The following TENM3 variants were observed in gnomAD, a reference collection of about 807,000 sequenced individuals.
The protein encoded by TENM3 is teneurin transmembrane protein 3.
A neutral mutation model predicts 255.1 loss-of-function variants in TENM3; 63 were observed. That is an observed-to-expected ratio of 0.25 (90% CI 0.20 to 0.30). The LOEUF (loss-of-function observed/expected upper bound fraction) is 0.30, where lower values mean the gene tolerates loss of function less well. TENM3 is among the 10% of genes least tolerant of loss of function. The probability of loss-of-function intolerance (pLI) is 1.00; values close to 1 mark genes in which losing one functional copy is unlikely to be tolerated. For synonymous variants in TENM3, 1,306 were observed against 1,322.3 expected (o/e 0.99, Z 0.27); for missense variants, 2,929 against 3,461.1 (o/e 0.85, Z 3.86).
At chr4:181,570,145 A>G in the TENM3 span, among the ~76,000 whole-genome samples, 1 of 147,588 alleles carries the variant, frequency 6.8e-6, no homozygotes, top group Admixed American at 7.1e-5. Flanking sequence ...TCCCGGGTTC[A>G]CGCCATTCTC....
intron 3 of TENM3, among the ~76,000 whole-genome samples, chr4:182,562,848 G>C (rs1330817662): frequency 6.6e-6 from 1 of 152,060 alleles, no homozygotes; most frequent in Non-Finnish European, 1.5e-5. Context: ...GGTACTGTGG[G>C]GGTCAAGGGG....
At chr4:182,596,260 A>C (rs981024594) in intron 3 of TENM3, among the ~76,000 whole-genome samples, 1 of 152,160 alleles carries the variant, frequency 6.6e-6, no homozygotes, top group Non-Finnish European at 1.5e-5. Flanking sequence ...CTACTTCCAC[A>C]CTCTCTCATT....
chr4:181,462,553 CT>C, the TENM3 span, among the ~76,000 whole-genome samples: 1 of 152,184 alleles, frequency 6.6e-6, no homozygotes, highest in Non-Finnish European at 1.5e-5. Context: ...TGAAAACTGT[CT>C]TTTCAAATAT....
chr4:182,731,929 C>CA (rs1308333376), intron 16 of TENM3, among the ~76,000 whole-genome samples: 1 of 151,904 alleles, frequency 6.6e-6, no homozygotes, highest in African/African-American at 2.4e-5. Context: ...CTACAGGCGA[C>CA]TGCCACCAAG....
At chr4:182,531,878 A>G (rs1199240778) in intron 3 of TENM3, among the ~76,000 whole-genome samples, 1 of 152,234 alleles carries the variant, frequency 6.6e-6, no homozygotes, top group Admixed American at 6.5e-5. Context: ...CAGTTTAAAC[A>G]TGGTGAGCTG....
At chr4:182,160,527 A>C (rs1324052610) in intron 1 of TENM3, among the ~76,000 whole-genome samples, 1 of 152,220 alleles carries the variant, frequency 6.6e-6, no homozygotes, top group Non-Finnish European at 1.5e-5. Flanking sequence ...TTTCTGTTCC[A>C]TTCACAGAAT....
At chr4:182,135,749 G>T in the TENM3 span, among the ~76,000 whole-genome samples, 1 of 152,204 alleles carries the variant, frequency 6.6e-6, no homozygotes, top group African/African-American at 2.4e-5. Context: ...TTAACAGACA[G>T]AAATGTGACT....
the TENM3 span, among the ~76,000 whole-genome samples, chr4:181,456,123 ATATATGTG>A: frequency 3.2e-5 from 3 of 93,392 alleles, no homozygotes; most frequent in African/African-American, 1.3e-4. Context: ...GTATATATAT[ATATATGTG>A]TGTGTGTGTG....
At chr4:182,209,286 A>C (rs1308135917) in intron 1 of TENM3, among the ~76,000 whole-genome samples, 2 of 151,020 alleles carry the variant, frequency 1.3e-5, no homozygotes, top group African/African-American at 2.5e-5. Context: ...CCTCTTTAAA[A>C]AAAAAAAAAA....
At chr4:182,086,222 G>A in the TENM3 span, among the ~76,000 whole-genome samples, 675 of 152,106 alleles carry the variant, frequency 4.4e-3, 1 homozygote, top group African/African-American at 0.016. Context: ...TCAGGCCTCC[G>A]GAAGAAACCA....
chr4:182,442,770 G>A (rs1424876260), intron 3 of TENM3, among the ~76,000 whole-genome samples: 2 of 150,720 alleles, frequency 1.3e-5, no homozygotes, highest in African/African-American at 5.0e-5. Context: ...TTGTGTGTGT[G>A]TGTGTGTGTG....
chr4:181,637,806 G>C, the TENM3 span, among the ~76,000 whole-genome samples: 1 of 152,138 alleles, frequency 6.6e-6, no homozygotes, highest in Admixed American at 6.5e-5. Flanking sequence ...TCTATGGCCC[G>C]TGAGACATGC....
chr4:182,685,913 A>T (rs1756534494), intron 11 of TENM3, among the ~76,000 whole-genome samples: 1 of 152,110 alleles, frequency 6.6e-6, no homozygotes, highest in African/African-American at 2.4e-5. Context: ...TCATAAAATG[A>T]TACTGCTATG....
the TENM3 span, among the ~76,000 whole-genome samples, chr4:181,859,096 C>G: frequency 6.6e-6 from 1 of 151,580 alleles, no homozygotes; most frequent in Admixed American, 6.6e-5. Context: ...TGTCAAAATT[C>G]CCTCATTTTT....
In TENM3 at chr4:182,789,186, G is replaced by A. The variant is rs201366948; in HGVS notation, c.5398G>A (p.Ala1800Thr). 8.7e-6 allele frequency: 14 copies of A among 1,612,802 alleles called. No individual in the cohort carries two copies. The highest frequency in any genetic ancestry group is 3.3e-4 in the Middle Eastern group (2 of 6,060). ...DDHRKFLLRI[A>T]YDTSGHPTLW... is the part of the protein sequence containing the mutation. ...CCACCGTAAATTTCTACTGAGGATC[G>A]CCTACGACACGTCTGGGCACCCGAC... The change falls in exon 25 of 28, where the codon GCC (alanine) becomes ACC (threonine). Residue 1800 changes from alanine to threonine, a missense_variant. By Grantham distance (58) the Ala-to-Thr change is moderately conservative. Transcript: ENST00000511685. This position sits in a 1 kb window ranked among gnomAD's most constrained non-coding sequence, Gnocchi z 4.4.
the TENM3 span, among the ~76,000 whole-genome samples, chr4:181,908,003 A>G: frequency 6.6e-6 from 1 of 152,170 alleles, no homozygotes; most frequent in Non-Finnish European, 1.5e-5. Context: ...GACAACGTGT[A>G]TTTTTGACTC....
chr4:182,124,402 T>C, the TENM3 span, among the ~76,000 whole-genome samples: 9 of 152,186 alleles, frequency 5.9e-5, no homozygotes, highest in Admixed American at 5.2e-4. Context: ...GATAATTTCA[T>C]ATGTGAATCT....
At chr4:181,971,729 G>A in the TENM3 span, among the ~76,000 whole-genome samples, 1 of 151,938 alleles carries the variant, frequency 6.6e-6, no homozygotes, top group Non-Finnish European at 1.5e-5. Context: ...ACCATGCCCT[G>A]TTAATTTTTA....
chr4:181,660,587 G>T, the TENM3 span, among the ~76,000 whole-genome samples: 2 of 152,102 alleles, frequency 1.3e-5, no homozygotes, highest in Non-Finnish European at 2.9e-5. Flanking sequence ...TGGTAATTTA[G>T]TCTTATTAAA....
Sources: gnomAD v4.1 joint callset for allele counts (sites outside exome capture counted in the v4.1 genomes callset) on GRCh38, gnomAD v4.1.1 for gene constraint, Gnocchi (gnomAD v3.1) non-coding constraint, MANE v1.5 for transcripts, NCBI Gene and HGNC (gene_info 2026-07-23, HGNC 2026-07-21) for gene names.